Variants in NALF1 observed in about 807,000 individuals in gnomAD.
NALF1 encodes family with sequence similarity 155 member A.
A neutral mutation model predicts 48.4 loss-of-function variants in NALF1; 3 were observed. That is an observed-to-expected ratio of 0.06 (90% CI 0.03 to 0.16). The LOEUF (loss-of-function observed/expected upper bound fraction) is 0.16. Among genes scored for constraint, NALF1 ranks in the 10% least tolerant of loss-of-function variants. The probability of loss-of-function intolerance (pLI) is 1.00; values close to 1 mark genes in which losing one functional copy is unlikely to be tolerated. For missense variants in NALF1, 526 were observed against 571.5 expected (o/e 0.92, Z 0.81); for synonymous variants, 262 against 245.7 (o/e 1.07, Z -0.62).
At chr13:107,641,578 G>T (rs1880157768) in intron 1 of NALF1, among the ~76,000 whole-genome samples, 1 of 152,052 alleles carries the variant, frequency 6.6e-6, no homozygotes, top group African/African-American at 2.4e-5. Context: ...AACAAATAGA[G>T]ATTTGGAGAT....
intron 1 of NALF1, among the ~76,000 whole-genome samples, chr13:107,305,432 T>G (rs137905319): frequency 2.8e-4 from 42 of 152,368 alleles, no homozygotes; most frequent in African/African-American, 1.0e-3. Flanking sequence ...CACAAACTTT[T>G]TTTTAAATTT....
chr13:107,658,249 C>G (rs1444278374), intron 1 of NALF1, among the ~76,000 whole-genome samples: 3 of 151,814 alleles, frequency 2.0e-5, no homozygotes, highest in African/African-American at 7.3e-5. Flanking sequence ...AAATTCTTAT[C>G]TATCTTTAAT....
intron 1 of NALF1, among the ~76,000 whole-genome samples, chr13:107,673,243 G>A (rs1034660497): frequency 6.6e-6 from 1 of 152,062 alleles, no homozygotes; most frequent in Admixed American, 6.6e-5. Context: ...TTAATTTAAT[G>A]AGATTTAGTT....
At chr13:107,471,958 T>C (rs946902692) in intron 1 of NALF1, among the ~76,000 whole-genome samples, 10 of 152,350 alleles carry the variant, frequency 6.6e-5, no homozygotes, top group African/African-American at 2.2e-4. Flanking sequence ...ACCTATTCTG[T>C]ATATCCCTGT....
At chr13:107,741,385 T>C (rs1876628170) in intron 1 of NALF1, among the ~76,000 whole-genome samples, 1 of 152,206 alleles carries the variant, frequency 6.6e-6, no homozygotes, top group Non-Finnish European at 1.5e-5. Context: ...TTACATATTG[T>C]CTTGTGGATA....
intron 1 of NALF1, among the ~76,000 whole-genome samples, chr13:107,348,945 T>C (rs867173907): frequency 1.3e-5 from 2 of 152,212 alleles, no homozygotes; most frequent in South Asian, 2.1e-4. Flanking sequence ...TGCCAATACC[T>C]GGACACTGTT....
intron 1 of NALF1, among the ~76,000 whole-genome samples, chr13:107,287,557 G>C (rs945440094): frequency 6.6e-6 from 1 of 151,936 alleles, no homozygotes; most frequent in Non-Finnish European, 1.5e-5. Flanking sequence ...TCTGAAGACA[G>C]GTTTATTTAC....
chr13:107,201,934 ACTCT>A (rs954286935), intron 2 of NALF1, among the ~76,000 whole-genome samples: 4 of 151,878 alleles, frequency 2.6e-5, no homozygotes, highest in African/African-American at 9.7e-5. Flanking sequence ...GCATTTTCAG[ACTCT>A]CTATGCCTGG....
intron 1 of NALF1, among the ~76,000 whole-genome samples, chr13:107,864,951 A>C (rs1010205346): frequency 6.6e-6 from 1 of 152,242 alleles, no homozygotes; most frequent in Non-Finnish European, 1.5e-5. Flanking sequence ...ACTTCTGGAA[A>C]GCATACTGAA....
At chr13:107,268,171 G>A (rs986362846) in intron 1 of NALF1, among the ~76,000 whole-genome samples, 4 of 151,906 alleles carry the variant, frequency 2.6e-5, no homozygotes, top group African/African-American at 7.3e-5. Context: ...TGTATTTTTA[G>A]TAGAGACTGG....
At chr13:107,275,178 T>G (rs981102512) in intron 1 of NALF1, among the ~76,000 whole-genome samples, 1 of 152,162 alleles carries the variant, frequency 6.6e-6, no homozygotes, top group African/African-American at 2.4e-5. Flanking sequence ...AGTGTTATTC[T>G]ATTAACTTTT....
At chr13:107,309,064 A>T (rs1361807919) in intron 1 of NALF1, among the ~76,000 whole-genome samples, 4 of 152,224 alleles carry the variant, frequency 2.6e-5, no homozygotes. Flanking sequence ...TTCCAATAGA[A>T]ATGTACCTGT....
intron 1 of NALF1, among the ~76,000 whole-genome samples, chr13:107,557,193 C>T (rs1212540151): frequency 6.6e-6 from 1 of 152,074 alleles, no homozygotes; most frequent in Non-Finnish European, 1.5e-5. Context: ...CCTTGAAGAA[C>T]ATTCGTTCAC....
Position 107,720,811 on chromosome 13 carries a change from C to G in NALF1, c.915+144871G>C, listed in dbSNP as rs562547695. Among the ~76,000 whole-genome samples, 99 of 152,284 alleles carry G rather than the reference C, an allele frequency of 6.5e-4. 1 individual carries two copies. Among genetic ancestry groups the G allele is most frequent in the Non-Finnish European group, 1.2e-3 (84 of 68,028 alleles). ...CAAGCTGAGCTGAAGGTAGTGTTTA[C>G]TCCTTCCTTCTGGATAAACACAGGT... On this transcript the variant is annotated intron_variant, in intron 1 of 2. Transcript: ENST00000375915.
At chr13:107,459,892 C>A (rs1884889689) in intron 1 of NALF1, among the ~76,000 whole-genome samples, 1 of 152,110 alleles carries the variant, frequency 6.6e-6, no homozygotes, top group South Asian at 2.1e-4. Flanking sequence ...CCTGCGTGTG[C>A]CACCACACCC....
chr13:107,706,544 T>C (rs1881951391), intron 1 of NALF1, among the ~76,000 whole-genome samples: 1 of 152,242 alleles, frequency 6.6e-6, no homozygotes, highest in Non-Finnish European at 1.5e-5. Context: ...AGAACTGTTC[T>C]CAATGCAAAT....
intron 1 of NALF1, among the ~76,000 whole-genome samples, chr13:107,533,490 C>T (rs139619360): frequency 4.6e-5 from 7 of 152,218 alleles, no homozygotes; most frequent in Middle Eastern, 3.4e-3. Flanking sequence ...ATCCAACAAC[C>T]GAACATGCCT....
At chr13:107,241,284 CATAT>C (rs1029427239) in intron 1 of NALF1, among the ~76,000 whole-genome samples, 24 of 152,102 alleles carry the variant, frequency 1.6e-4, no homozygotes, top group Admixed American at 3.9e-4. Flanking sequence ...CAATCTTTCT[CATAT>C]CAGATATGAA....
intron 2 of NALF1, among the ~76,000 whole-genome samples, chr13:107,176,078 A>T (rs1054444550): frequency 6.6e-6 from 1 of 152,200 alleles, no homozygotes; most frequent in East Asian, 1.9e-4. Context: ...TACAGAAATG[A>T]CCTTTTCCTC....
Sources: allele counts gnomAD v4.1 joint callset (sites outside exome capture counted in the v4.1 genomes callset), GRCh38; gene constraint gnomAD v4.1.1; transcripts MANE v1.5; gene names NCBI Gene and HGNC (gene_info 2026-07-23, HGNC 2026-07-21).